The following GALNT13 variants were observed in gnomAD, a reference collection of about 807,000 sequenced individuals.
GALNT13 encodes the protein UDP-GalNAc:polypeptide N-acetylgalactosaminyltransferase 13.
GALNT13 carries 28 observed loss-of-function variants against 64.2 expected under a neutral mutation model. The observed-to-expected ratio is 0.44, with a 90% CI of 0.32 to 0.60. GALNT13 has a LOEUF of 0.60. Among genes scored for constraint, GALNT13 ranks in the 20% least tolerant of loss-of-function variants. The probability of loss-of-function intolerance (pLI) is 0.05; values close to 1 mark genes in which losing one functional copy is unlikely to be tolerated. For missense variants in GALNT13, 577 were observed against 669.8 expected, an observed-to-expected ratio of 0.86 and a Z score of 1.53; for synonymous variants, 214 against 224.6, an observed-to-expected ratio of 0.95 and a Z score of 0.42.
chr2:153,609,156 G>T, the GALNT13 span, among the ~76,000 whole-genome samples: 2 of 136,708 alleles, frequency 1.5e-5, no homozygotes, highest in Admixed American at 1.4e-4. Context: ...TCCCCAGGCT[G>T]GTCTTGAACT....
chr2:153,433,010 G>A, the GALNT13 span, among the ~76,000 whole-genome samples: 1 of 151,402 alleles, frequency 6.6e-6, no homozygotes, highest in African/African-American at 2.4e-5. Context: ...ACACACACAG[G>A]CATATACATA....
At chr2:153,983,554 C>T (rs976869569) in intron 3 of GALNT13, among the ~76,000 whole-genome samples, 4 of 151,856 alleles carry the variant, frequency 2.6e-5, no homozygotes, top group East Asian at 3.9e-4. Context: ...TACACTGAAA[C>T]GTTAAATGGA....
chr2:153,614,657 C>A, the GALNT13 span, among the ~76,000 whole-genome samples: 1 of 151,950 alleles, frequency 6.6e-6, no homozygotes, highest in Non-Finnish European at 1.5e-5. Context: ...TTGCTATCTT[C>A]TCAAAATATG....
At chr2:154,157,527 G>A (rs565959999) in intron 4 of GALNT13, among the ~76,000 whole-genome samples, 1 of 152,068 alleles carries the variant, frequency 6.6e-6, no homozygotes, top group Admixed American at 6.6e-5. Flanking sequence ...TTCTCTCTTC[G>A]GTTATTCTTA....
intron 11 of GALNT13, 170 bp downstream of exon 11, chr2:154,409,252 G>GA: frequency 1.6e-6 from 1 of 613,710 alleles, no homozygotes; most frequent in Non-Finnish European, 2.9e-6. Flanking sequence ...GATCTTAAAG[G>GA]AGAGCTGAAA....
chr2:153,576,138 A>G, the GALNT13 span, among the ~76,000 whole-genome samples: 1 of 151,468 alleles, frequency 6.6e-6, no homozygotes, highest in African/African-American at 2.4e-5. Flanking sequence ...GATGCAAGAT[A>G]ATGCCCTCCC....
At chr2:153,330,372 T>A in the GALNT13 span, among the ~76,000 whole-genome samples, 1 of 152,236 alleles carries the variant, frequency 6.6e-6, no homozygotes, top group Non-Finnish European at 1.5e-5. Flanking sequence ...TTGGGCAGTA[T>A]GGCCATTTTC....
chr2:153,709,543 G>T, the GALNT13 span, among the ~76,000 whole-genome samples: 25 of 151,884 alleles, frequency 1.6e-4, no homozygotes, highest in East Asian at 1.4e-3. Context: ...CTGTTGGTGG[G>T]GATTAAATTA....
intron 7 of GALNT13, among the ~76,000 whole-genome samples, chr2:154,256,689 T>C (rs1690394395): frequency 6.6e-6 from 1 of 152,166 alleles, no homozygotes; most frequent in African/African-American, 2.4e-5. Flanking sequence ...GTTGGTTATG[T>C]ATTGAGAACT....
the GALNT13 span, among the ~76,000 whole-genome samples, chr2:153,350,387 T>TC: frequency 6.8e-5 from 10 of 147,492 alleles, no homozygotes; most frequent in East Asian, 2.0e-4. Context: ...TTTCTTTCTT[T>TC]TTTTTTTTTT....
At chr2:154,390,051 G>A (rs1164360951) in intron 9 of GALNT13, among the ~76,000 whole-genome samples, 1 of 152,110 alleles carries the variant, frequency 6.6e-6, no homozygotes, top group Non-Finnish European at 1.5e-5. Flanking sequence ...CAAGTTTTAA[G>A]ACTGAGAGGG....
the GALNT13 span, among the ~76,000 whole-genome samples, chr2:153,492,151 C>T: frequency 2.0e-5 from 3 of 152,268 alleles, no homozygotes; most frequent in East Asian, 5.8e-4. Flanking sequence ...GTTTATGAGT[C>T]TTCTCAAATC....
At chr2:153,654,451 A>T in the GALNT13 span, among the ~76,000 whole-genome samples, 1 of 151,970 alleles carries the variant, frequency 6.6e-6, no homozygotes, top group Non-Finnish European at 1.5e-5. Context: ...ATTTGTTTGA[A>T]ATGTACACTG....
chr2:153,800,371 G>T, the GALNT13 span, among the ~76,000 whole-genome samples: 29 of 152,096 alleles, frequency 1.9e-4, no homozygotes, highest in Non-Finnish European at 2.9e-5. Flanking sequence ...AGAGGATCTT[G>T]CCTCGATATT....
chr2:154,074,934 G>A (rs542539166), intron 3 of GALNT13, among the ~76,000 whole-genome samples: 2 of 151,774 alleles, frequency 1.3e-5, no homozygotes, highest in East Asian at 1.9e-4. Flanking sequence ...ACAAATCCAC[G>A]GCCAACATCA....
At chr2:153,850,956 AC>A in the GALNT13 span, among the ~76,000 whole-genome samples, 1 of 152,186 alleles carries the variant, frequency 6.6e-6, no homozygotes, top group Non-Finnish European at 1.5e-5. Context: ...TGGTTTCAAC[AC>A]CCTTTTTTTC....
intron 9 of GALNT13, among the ~76,000 whole-genome samples, chr2:154,366,695 G>A (rs1172664030): frequency 2.0e-5 from 3 of 152,136 alleles, no homozygotes; most frequent in African/African-American, 4.8e-5. Context: ...GGGAATTTGC[G>A]CACCGTGGGA....
intron 3 of GALNT13, among the ~76,000 whole-genome samples, chr2:153,987,440 A>G (rs940419354): frequency 2.0e-5 from 3 of 151,938 alleles, no homozygotes; most frequent in Non-Finnish European, 4.4e-5. Context: ...CTCTTTAGAT[A>G]CAAAGTAGAT....
chr2:153,103,074 A>C, the GALNT13 span, among the ~76,000 whole-genome samples: 1 of 152,106 alleles, frequency 6.6e-6, no homozygotes, highest in Non-Finnish European at 1.5e-5. Context: ...TTCATCTTTC[A>C]AAGGCCAACT....
Sources: gnomAD v4.1 joint callset for allele counts (sites outside exome capture counted in the v4.1 genomes callset) on GRCh38, gnomAD v4.1.1 for gene constraint, MANE v1.5 for transcripts, NCBI Gene and HGNC (gene_info 2026-07-23, HGNC 2026-07-21) for gene names.